The following RCC1L variants were observed in gnomAD, a reference collection of about 807,000 sequenced individuals.
RCC1L encodes the protein RCC1-like G exchanging factor-like protein.
Under a neutral mutation model 58.6 loss-of-function variants are expected in RCC1L, and 46 were observed. The ratio of observed to expected loss-of-function variants is 0.79; its 90% confidence interval spans 0.62 to 1.00. The LOEUF is 1.00. Among genes scored for constraint, RCC1L ranks in the 50% least tolerant of loss-of-function variants. The pLI is 0.00. For missense variants in RCC1L, 636 were observed against 623.6 expected (o/e 1.02, Z -0.21); for synonymous variants, 281 against 262.9 (o/e 1.07, Z -0.67).
At chr7:75,054,107 T>C (rs1399778796) in intron 9 of RCC1L, among the ~76,000 whole-genome samples, 1 of 152,200 alleles carries the variant, frequency 6.6e-6, no homozygotes. Flanking sequence ...CTCACTATGT[T>C]GCCTAGGCTA....
chr7:75,059,798 A>C (rs996668447), intron 6 of RCC1L, among the ~76,000 whole-genome samples: 1 of 152,082 alleles, frequency 6.6e-6, no homozygotes, highest in Non-Finnish European at 1.5e-5. Flanking sequence ...CCACTCCCAA[A>C]AAACAGGGAA....
intron 7 of RCC1L, 151 bp downstream of exon 7, chr7:75,058,437 C>T: frequency 1.0e-6 from 1 of 1,001,458 alleles, no homozygotes; most frequent in Non-Finnish European, 1.5e-6. Flanking sequence ...TGCCATGTTG[C>T]CCAGGCTGGT....
intron 10 of RCC1L, among the ~76,000 whole-genome samples, chr7:75,030,876 G>C (rs1437593884): frequency 1.3e-5 from 2 of 152,156 alleles, no homozygotes; most frequent in Non-Finnish European, 2.9e-5. Context: ...GGGAGAGTTT[G>C]TGGGGGCCGG....
At chr7:75,072,550 AAC>A (rs1222436053) in intron 1 of RCC1L, among the ~76,000 whole-genome samples, 2 of 152,224 alleles carry the variant, frequency 1.3e-5, no homozygotes, top group African/African-American at 4.8e-5. Flanking sequence ...CTGTGAATTT[AAC>A]ACAGTGACAA....
At chr7:75,032,219 G>A (rs1378318008) in intron 10 of RCC1L, among the ~76,000 whole-genome samples, 3 of 151,968 alleles carry the variant, frequency 2.0e-5, no homozygotes, top group African/African-American at 7.3e-5. Context: ...CCAGGCCTGG[G>A]AGTGGGGACG....
chr7:75,057,818 G>A (rs1806129537), intron 7 of RCC1L: 1 of 642,970 alleles, frequency 1.6e-6, no homozygotes, highest in Non-Finnish European at 2.9e-6. Context: ...CCCTCAGAGA[G>A]TTCTAGTCTA....
At chr7:75,066,863 GCTA>G in intron 2 of RCC1L, 71 bp from the exon 3 acceptor site, 1 of 1,510,100 alleles carries the variant, frequency 6.6e-7, no homozygotes, top group South Asian at 1.3e-5. Context: ...CCAACTCCAC[GCTA>G]CTACACTGGA....
chr7:75,042,273 C>A lies in RCC1L; in HGVS notation c.*759G>T. 1 of 985,494 alleles carries A rather than the reference C, an allele frequency of 1.0e-6. No homozygotes were observed. Among genetic ancestry groups the A allele is most frequent in the South Asian group, 4.7e-5 (1 of 21,288 alleles). The allele number at this position is 985,494 out of a possible 1,614,324, so 61.0% of individuals were successfully genotyped here. ...GGAAAGGCAAGTCACGCTACTAAATCAAACATTGTTCACAATTTCTGGATC... is the reference window on the plus strand; with the variant it reads ...GGAAAGGCAAGTCACGCTACTAAATAAAACATTGTTCACAATTTCTGGATC... On this transcript the variant is annotated 3_prime_UTR_variant, in exon 11 of 11. Transcript: ENST00000610322.
At chr7:75,027,982 G>A (rs1380989745) in exon 11 of RCC1L, 12 of 1,518,378 alleles carry the variant, frequency 7.9e-6, no homozygotes, top group Middle Eastern at 2.0e-4. Context: ...GGCTCCATCC[G>A]CAGTTGCATG....
At chr7:75,072,785 T>C (rs1381677459) in intron 1 of RCC1L, among the ~76,000 whole-genome samples, 1 of 152,110 alleles carries the variant, frequency 6.6e-6, no homozygotes, top group African/African-American at 2.4e-5. Flanking sequence ...AAGACCAGTC[T>C]AGCAAACATG....
chr7:75,058,866 C>G, intron 6 of RCC1L, 97 bp from the exon 7 acceptor site: 1 of 1,469,162 alleles, frequency 6.8e-7, no homozygotes, highest in Non-Finnish European at 9.4e-7. Context: ...AAGCACTTAA[C>G]AAGTATCAGC....
At chr7:75,029,574 C>T (rs1266979088) in intron 10 of RCC1L, among the ~76,000 whole-genome samples, 5 of 152,070 alleles carry the variant, frequency 3.3e-5, no homozygotes, top group African/African-American at 1.2e-4. Flanking sequence ...GAACTCCTGA[C>T]CTCAGGTGAT....
At chr7:75,030,895 C>T (rs1805284134) in intron 10 of RCC1L, among the ~76,000 whole-genome samples, 2 of 152,172 alleles carry the variant, frequency 1.3e-5, no homozygotes, top group African/African-American at 2.4e-5. Context: ...GGCACTCCCT[C>T]ATCTACTGGG....
intron 6 of RCC1L, 89 bp downstream of exon 6, chr7:75,061,118 G>GTA: frequency 1.9e-6 from 2 of 1,044,630 alleles, no homozygotes; most frequent in Non-Finnish European, 3.0e-6. Flanking sequence ...AGGAAGAAGG[G>GTA]TTCTAGCCCA....
At chr7:75,033,677 A>C (rs1271554372) in intron 10 of RCC1L, among the ~76,000 whole-genome samples, 1 of 150,166 alleles carries the variant, frequency 6.7e-6, no homozygotes, top group Non-Finnish European at 1.5e-5. Flanking sequence ...CCTGGGCAAC[A>C]GGGCGAGTCT....
chr7:75,045,174 A>G (rs1584489936), intron 10 of RCC1L, among the ~76,000 whole-genome samples: 1 of 149,496 alleles, frequency 6.7e-6, no homozygotes, highest in East Asian at 2.0e-4. Context: ...ATGCCTGGCT[A>G]ATTTTGTTTG....
At chr7:75,038,149 TG>T (rs1259259518), downstream of RCC1L, among the ~76,000 whole-genome samples, 1 of 152,232 alleles carries the variant, frequency 6.6e-6, no homozygotes, top group Non-Finnish European at 1.5e-5. Context: ...TGCCGGGTGC[TG>T]CCCTCATGGC....
intron 10 of RCC1L, among the ~76,000 whole-genome samples, chr7:75,034,291 G>A (rs977227823): frequency 2.6e-5 from 4 of 152,134 alleles, no homozygotes; most frequent in African/African-American, 9.7e-5. Context: ...CAAGGTGGGC[G>A]GATTGTCTGA....
chr7:75,067,408 C>G (rs1487135296), intron 2 of RCC1L, among the ~76,000 whole-genome samples: 1 of 152,074 alleles, frequency 6.6e-6, no homozygotes, highest in African/African-American at 2.4e-5. Context: ...GCAGGCGGAT[C>G]ACTTGAGGTC....
Sources: allele counts gnomAD v4.1 joint callset (sites outside exome capture counted in the v4.1 genomes callset), GRCh38; gene constraint gnomAD v4.1.1; transcripts MANE v1.5; gene names NCBI Gene and HGNC (gene_info 2026-07-23, HGNC 2026-07-21).